Variants in SDK1 observed in about 807,000 individuals in gnomAD.
SDK1 encodes the protein protein sidekick-1.
Under a neutral mutation model 245.5 loss-of-function variants are expected in SDK1, and 157 were observed. The observed-to-expected ratio is 0.64, with a 90% CI of 0.56 to 0.73. SDK1 has a LOEUF of 0.73. Ranked by LOEUF, SDK1 falls within the 30% of genes least tolerant of loss-of-function variation. The pLI is 0.00. For synonymous variants in SDK1, 1,647 were observed against 1,278.5 expected, an observed-to-expected ratio of 1.29 and a Z score of -6.15; for missense variants, 3,583 against 3,002.3, an observed-to-expected ratio of 1.19 and a Z score of -4.52.
intron 5 of SDK1, among the ~76,000 whole-genome samples, chr7:3,949,536 G>T (rs1045502548): frequency 2.0e-5 from 3 of 152,190 alleles, no homozygotes; most frequent in Admixed American, 6.5e-5. Flanking sequence ...TCCCTTCAGC[G>T]TGAAGCCCAG....
chr7:3,552,418 C>A (rs374957843), intron 1 of SDK1, among the ~76,000 whole-genome samples: 2 of 152,184 alleles, frequency 1.3e-5, no homozygotes, highest in African/African-American at 4.8e-5. Context: ...AATGAATGCT[C>A]ACTCAGCCAC....
intron 1 of SDK1, among the ~76,000 whole-genome samples, chr7:3,305,118 G>A (rs1291079048): frequency 6.6e-6 from 1 of 152,110 alleles, no homozygotes; most frequent in Non-Finnish European, 1.5e-5. Flanking sequence ...TTCATGATTT[G>A]AAACTCAACA....
intron 5 of SDK1, among the ~76,000 whole-genome samples, chr7:3,914,059 A>G (rs1779282136): frequency 6.6e-6 from 1 of 152,232 alleles, no homozygotes; most frequent in African/African-American, 2.4e-5. Context: ...TGAAAAAGGT[A>G]AGGAGCGGTT....
intron 17 of SDK1, among the ~76,000 whole-genome samples, chr7:4,023,213 T>C (rs987118335): frequency 5.3e-5 from 8 of 152,186 alleles, no homozygotes; most frequent in African/African-American, 1.9e-4. Context: ...TTTCTAACTT[T>C]CCTGACTTTT....
rs183283596 is a variant in SDK1, at chr7:3,485,064, T to C, written c.299-134016T>C. On this transcript the variant is annotated intron_variant, in intron 1 of 44. Coordinates refer to ENST00000404826, the MANE Select transcript of SDK1 (RefSeq NM_152744.4). ...ATATGGCAGTTCTATTTTCCATTTC[T>C]GGAGGACCCTCCATACTGTTTTCCA... 2.4e-3 allele frequency among the ~76,000 whole-genome samples: 371 copies of C among 152,334 alleles called. 3 individuals are homozygous for C. Among genetic ancestry groups the C allele is most frequent in the South Asian group, 0.018 (86 of 4,830 alleles).
At chr7:3,555,712 G>A (rs1327938760) in intron 1 of SDK1, among the ~76,000 whole-genome samples, 3 of 152,054 alleles carry the variant, frequency 2.0e-5, no homozygotes, top group African/African-American at 7.2e-5. Context: ...AGGAGTTCAA[G>A]CAACTCTATA....
At chr7:3,689,353 T>A (rs1195876168) in intron 4 of SDK1, among the ~76,000 whole-genome samples, 1 of 152,154 alleles carries the variant, frequency 6.6e-6, no homozygotes, top group Non-Finnish European at 1.5e-5. Flanking sequence ...TGCAGTTGTT[T>A]CTAAGTCTAG....
intron 19 of SDK1, among the ~76,000 whole-genome samples, chr7:4,065,431 T>C (rs916604704): frequency 6.7e-6 from 1 of 148,828 alleles, no homozygotes; most frequent in African/African-American, 2.6e-5. Flanking sequence ...GACAGCATCT[T>C]TGGGCAGGAA....
intron 5 of SDK1, among the ~76,000 whole-genome samples, chr7:3,865,971 G>C (rs1470889284): frequency 3.9e-5 from 6 of 152,146 alleles, no homozygotes; most frequent in Admixed American, 3.9e-4. Flanking sequence ...GAGCAGCAGC[G>C]GACCTGCTGG....
chr7:3,335,902 G>C (rs935864172), intron 1 of SDK1, among the ~76,000 whole-genome samples: 1 of 150,008 alleles, frequency 6.7e-6, no homozygotes, highest in African/African-American at 2.5e-5. Flanking sequence ...ATATAACAAA[G>C]AAGCATAGGA....
At chr7:4,162,392 TA>T (rs1487654164) in intron 32 of SDK1, among the ~76,000 whole-genome samples, 3 of 107,984 alleles carry the variant, frequency 2.8e-5, no homozygotes, top group Non-Finnish European at 4.8e-5. Flanking sequence ...TTATTATTAT[TA>T]TTATTATTAT....
intron 1 of SDK1, among the ~76,000 whole-genome samples, chr7:3,436,428 C>G (rs1221933362): frequency 6.6e-6 from 1 of 152,070 alleles, no homozygotes; most frequent in Non-Finnish European, 1.5e-5. Context: ...TGAACCTCTT[C>G]TGCTGTATTA....
At chr7:3,987,929 C>T (rs1783996266) in intron 14 of SDK1, among the ~76,000 whole-genome samples, 1 of 152,100 alleles carries the variant, frequency 6.6e-6, no homozygotes, top group African/African-American at 2.4e-5. Context: ...TCACGCCTCT[C>T]CGCTCTCCCT....
At chr7:3,330,406 C>T (rs4349886) in intron 1 of SDK1, among the ~76,000 whole-genome samples, 90,362 of 151,992 alleles carry the variant, frequency 0.59, 27,840 homozygotes, top group African/African-American at 0.78. Flanking sequence ...GGAAACTTCA[C>T]CCTCAAATTC....
chr7:4,011,329 C>T (rs550837192), intron 15 of SDK1, among the ~76,000 whole-genome samples: 2 of 152,340 alleles, frequency 1.3e-5, no homozygotes, highest in South Asian at 2.1e-4. Flanking sequence ...GAGGCAGGTT[C>T]CTTGGATTTT....
chr7:3,896,107 G>C (rs1020443355), intron 5 of SDK1, among the ~76,000 whole-genome samples: 1 of 152,050 alleles, frequency 6.6e-6, no homozygotes, highest in Non-Finnish European at 1.5e-5. Context: ...TGATAGTCCC[G>C]TTCAAGTCTT....
chr7:3,318,583 G>A (rs552703515), intron 1 of SDK1, among the ~76,000 whole-genome samples: 1 of 152,116 alleles, frequency 6.6e-6, no homozygotes, highest in African/African-American at 2.4e-5. Context: ...TACTTGTTTC[G>A]TGACCTTTTG....
At chr7:3,453,538 G>C (rs140666865) in intron 1 of SDK1, among the ~76,000 whole-genome samples, 2 of 152,180 alleles carry the variant, frequency 1.3e-5, no homozygotes, top group African/African-American at 4.8e-5. Flanking sequence ...GAAGAAAGGA[G>C]AGGAGGCACT....
chr7:3,955,539 C>T (rs1024827583), intron 7 of SDK1, among the ~76,000 whole-genome samples: 2 of 152,280 alleles, frequency 1.3e-5, no homozygotes, highest in South Asian at 2.1e-4. Context: ...TGGACACCTC[C>T]GGGAGCCGTT....
Sources: allele counts gnomAD v4.1 joint callset (sites outside exome capture counted in the v4.1 genomes callset), GRCh38; gene constraint gnomAD v4.1.1; transcripts MANE v1.5; gene names NCBI Gene and HGNC (gene_info 2026-07-23, HGNC 2026-07-21).